The following AMDHD1 variants were observed in gnomAD, a reference collection of about 807,000 sequenced individuals.
AMDHD1 encodes the protein probable imidazolonepropionase.
In AMDHD1, 45 loss-of-function variants were observed where a neutral mutation model predicts 44.1. That is an observed-to-expected ratio of 1.02 (90% CI 0.80 to 1.31). AMDHD1 has a LOEUF of 1.31. Ranked by LOEUF, AMDHD1 falls within the 50% of genes most tolerant of loss-of-function variation. AMDHD1 has a pLI of 0.00. For missense variants in AMDHD1, 586 were observed against 552.1 expected, an observed-to-expected ratio of 1.06 and a Z score of -0.61; for synonymous variants, 206 against 205.0, an observed-to-expected ratio of 1.00 and a Z score of -0.04.
intron 1 of AMDHD1, among the ~76,000 whole-genome samples, chr12:95,947,911 G>A (rs1454754390): frequency 4.3e-4 from 42 of 98,432 alleles, no homozygotes; most frequent in Admixed American, 9.0e-4. Context: ...CCCTCTGCCC[G>A]GCCAGCCGCC....
intron 4 of AMDHD1, among the ~76,000 whole-genome samples, chr12:95,958,068 A>AT (rs71091225): frequency 0.14 from 21,511 of 151,446 alleles, 1,978 homozygotes; most frequent in East Asian, 0.41. Flanking sequence ...ATATATATAT[A>AT]TTTTTTTAAT....
intron 2 of AMDHD1, among the ~76,000 whole-genome samples, 163 bp downstream of exon 2, chr12:95,952,986 C>T (rs2080531925): frequency 6.6e-6 from 1 of 152,200 alleles, no homozygotes; most frequent in Non-Finnish European, 1.5e-5. Flanking sequence ...TAGCTGCTTT[C>T]AAACATGGTT....
chr12:95,956,985 C>T (rs746898141), intron 4 of AMDHD1, 23 bp downstream of exon 4: 1 of 1,610,894 alleles, frequency 6.2e-7, no homozygotes, highest in South Asian at 1.1e-5. Flanking sequence ...AGTGGGGGCC[C>T]GGGTTTAACT....
Position 95,943,458 on chromosome 12 carries a change from C to T in AMDHD1, c.60C>T (p.Ala20=). ...CGCAGCAAGTGGTGCTGGTGTGCGC[C>T]CGCGGCGAGCGCTTCCTGGCGCGGG... The part of the protein sequence containing the change: ...ENAQQVVLVC[A]RGERFLARDA... The change falls in exon 1 of 9, where the codon GCC becomes GCT. Residue 20 remains alanine, a synonymous_variant. Transcript: ENST00000266736. 1 of 1,504,120 alleles carries T rather than the reference C, an allele frequency of 6.6e-7. No homozygotes were observed. The highest frequency in any genetic ancestry group is 8.8e-7 in the Non-Finnish European group (1 of 1,131,392). 93.2% of individuals were successfully genotyped at this position (1,504,120 alleles called of 1,614,324 possible). A position where few individuals can be genotyped will look rare whatever the true frequency, so the allele number is the denominator to read the frequency against.
At chr12:95,966,260 C>T (rs2080609640) in intron 7 of AMDHD1, 88 bp from the exon 8 acceptor site, 4 of 1,465,130 alleles carry the variant, frequency 2.7e-6, no homozygotes, top group African/African-American at 1.4e-5. Flanking sequence ...CTTTAACTGC[C>T]TCTATTTGTT....
chr12:95,967,627 C>CA, intron 8 of AMDHD1, 129 bp from the exon 9 acceptor site: 1 of 705,002 alleles, frequency 1.4e-6, no homozygotes, highest in Non-Finnish European at 2.3e-6. Flanking sequence ...TTAGAAAGCC[C>CA]AAATACCATT....
intron 6 of AMDHD1, among the ~76,000 whole-genome samples, chr12:95,963,556 T>C (rs1259763283): frequency 9.2e-5 from 14 of 152,204 alleles, no homozygotes; most frequent in Non-Finnish European, 1.5e-5. Flanking sequence ...ATTTTTATTA[T>C]TATTACTATT....
In AMDHD1 at chr12:95,965,768, T is replaced by C. The variant is rs1290879689; in HGVS notation, c.1021T>C (p.Cys341Arg). 8 of 1,605,198 alleles carry C rather than the reference T, an allele frequency of 5.0e-6. No individual in the cohort carries two copies. The highest frequency in any genetic ancestry group is 1.3e-5 in the African/African-American group (1 of 74,694). The change falls in exon 7 of 9, where the codon TGC becomes CGC. Residue 341 changes from cysteine to arginine, a missense_variant. By Grantham distance (180) the Cys-to-Arg change is radical. Transcript: ENST00000266736. ...LGSDFNPNAY[C>R]FSMPMVMHLA... The stretch of plus-strand genomic sequence containing the variant: ...AAGTGATTTCAACCCCAATGCATAT[T>C]GCTTTTCAATGGTAATTATTTTTTT...
Position 95,966,395 on chromosome 12 carries a change from T to C in AMDHD1, c.1080T>C (p.Pro360=). 1 of 1,614,256 alleles carries C rather than the reference T, an allele frequency of 6.2e-7. No individual in the cohort carries two copies. The highest frequency in any genetic ancestry group is 1.1e-5 in the South Asian group (1 of 91,092). Residue 360 remains proline, a synonymous_variant, in exon 8 of 9, where the codon CCT becomes CCC. Transcript: ENST00000266736. ...GTGTAAACATGAGAATGTCCATGCC[T>C]GAGGCCTTGGCCGCTGCCACCATCA... The part of the protein sequence containing the change: ...LACVNMRMSM[P]EALAAATINA...
chr12:95,953,801 A>G (rs7488246), intron 2 of AMDHD1, among the ~76,000 whole-genome samples: 97,428 of 152,040 alleles, frequency 0.64, 32,130 homozygotes, highest in East Asian at 0.95. Flanking sequence ...GGCTGGTCTC[A>G]AACTCCTGAT....
chr12:95,948,056 C>T (rs2080507448), intron 1 of AMDHD1, among the ~76,000 whole-genome samples: 1 of 88,948 alleles, frequency 1.1e-5, no homozygotes, highest in African/African-American at 4.9e-5. Flanking sequence ...AGCCCTCCGC[C>T]CGGCCAGCCG....
intron 1 of AMDHD1, among the ~76,000 whole-genome samples, chr12:95,949,349 T>G (rs1293798909): frequency 1.3e-5 from 2 of 152,172 alleles, no homozygotes; most frequent in East Asian, 3.8e-4. Flanking sequence ...ATCATCCTCC[T>G]TAAATCATCA....
At chr12:95,952,025 C>T in intron 1 of AMDHD1, among the ~76,000 whole-genome samples, 1 of 152,126 alleles carries the variant, frequency 6.6e-6, no homozygotes, top group Non-Finnish European at 1.5e-5. Context: ...TTCTCCCATT[C>T]TGTGGGTTGT....
intron 1 of AMDHD1, among the ~76,000 whole-genome samples, chr12:95,949,207 A>G (rs1204008593): frequency 6.6e-6 from 1 of 151,536 alleles, no homozygotes; most frequent in Non-Finnish European, 1.5e-5. Context: ...GCCTGAACCA[A>G]TGGGAGGATC....
intron 8 of AMDHD1, among the ~76,000 whole-genome samples, chr12:95,966,993 G>A (rs945116308): frequency 3.3e-5 from 5 of 152,138 alleles, no homozygotes; most frequent in African/African-American, 1.2e-4. Context: ...TGTAATATTA[G>A]TCTGTTATCA....
Position 95,962,493 on chromosome 12 carries a change from T to C in AMDHD1, c.938+14T>C. On this transcript the variant is annotated intron_variant, in intron 6 of 8. Transcript: ENST00000266736. Reference sequence around the variant, plus strand: ...CTACATGCTGAGGTAAGGTCGTTTCTCACCCCAGACCAAGAGCTGCAAGTA... The same window carrying C: ...CTACATGCTGAGGTAAGGTCGTTTCCCACCCCAGACCAAGAGCTGCAAGTA... 6.5e-7 allele frequency: 1 copy of C among 1,530,728 alleles called. No homozygotes were observed. The highest frequency in any genetic ancestry group is 8.7e-7 in the Non-Finnish European group (1 of 1,146,266). The allele number at this position is 1,530,728 out of a possible 1,614,324, so 94.8% of individuals were successfully genotyped here.
intron 4 of AMDHD1, 117 bp from the exon 5 acceptor site, chr12:95,960,281 T>C (rs956019941): frequency 7.2e-6 from 6 of 828,236 alleles, no homozygotes; most frequent in Admixed American, 2.7e-5. Flanking sequence ...TCTACCTTTC[T>C]GAGGCTTGAA....
chr12:95,964,789 T>C (rs2080600497), intron 6 of AMDHD1, among the ~76,000 whole-genome samples: 1 of 152,058 alleles, frequency 6.6e-6, no homozygotes, highest in Non-Finnish European at 1.5e-5. Context: ...TGTAACACTT[T>C]TGAGATATGT....
intron 4 of AMDHD1, among the ~76,000 whole-genome samples, chr12:95,958,259 A>G (rs1005413338): frequency 1.3e-4 from 20 of 152,108 alleles, no homozygotes; most frequent in Non-Finnish European, 2.8e-4. Flanking sequence ...ACTATTAGCT[A>G]TAGTCACTTT....
Sources: gnomAD v4.1 joint callset for allele counts (sites outside exome capture counted in the v4.1 genomes callset) on GRCh38, gnomAD v4.1.1 for gene constraint, MANE v1.5 for transcripts, NCBI Gene and HGNC (gene_info 2026-07-23, HGNC 2026-07-21) for gene names.